ABLIM3: variants seen among roughly 807,000 people sequenced by gnomAD.
ABLIM3 encodes actin-binding LIM protein 3.
A neutral mutation model predicts 109.5 loss-of-function variants in ABLIM3; 61 were observed. That is an observed-to-expected ratio of 0.56 (90% confidence interval 0.45 to 0.69). ABLIM3 has a LOEUF of 0.69. Among genes scored for constraint, ABLIM3 ranks in the 30% least tolerant of loss-of-function variants. The pLI is 0.00. For missense variants in ABLIM3, 796 were observed against 889.5 expected, an observed-to-expected ratio of 0.89 and a Z score of 1.34; for synonymous variants, 300 against 324.8, an observed-to-expected ratio of 0.92 and a Z score of 0.82.
In ABLIM3 at chr5:149,258,685, A is replaced by C; in HGVS notation, c.*281A>C. 1 of 1,076,184 alleles carries C rather than the reference A, an allele frequency of 9.3e-7. No homozygotes were observed. The highest frequency in any genetic ancestry group is 1.1e-6 in the Non-Finnish European group (1 of 889,468). 66.7% of individuals were successfully genotyped at this position (1,076,184 alleles called of 1,614,324 possible). A position where few individuals can be genotyped will look rare whatever the true frequency, so the allele number is the denominator to read the frequency against. ...CATCTGTCCTAACTTGAGTGCCCCA[A>C]GGTCCAACTCTCTTTCCTAAAGAAG... is the stretch of plus-strand genomic sequence containing the variant. On this transcript the variant is annotated 3_prime_UTR_variant, in exon 24 of 24. Coordinates refer to ENST00000309868, the MANE Select transcript of ABLIM3 (RefSeq NM_014945.5).
At chr5:149,213,678 T>A (rs1043276583) in intron 7 of ABLIM3, among the ~76,000 whole-genome samples, 1 of 152,212 alleles carries the variant, frequency 6.6e-6, no homozygotes, top group African/African-American at 2.4e-5. Context: ...GAAATCCTGT[T>A]GGTGGCAGCT....
At chr5:149,230,268 A>G (rs539303775) in intron 8 of ABLIM3, among the ~76,000 whole-genome samples, 1 of 152,336 alleles carries the variant, frequency 6.6e-6, no homozygotes, top group Admixed American at 6.5e-5. Flanking sequence ...CCCGCCCAGA[A>G]GAAGCTCTTG....
chr5:149,174,021 CAAAAAAAAAAAA>C (rs57000637), intron 2 of ABLIM3, among the ~76,000 whole-genome samples: 7 of 40,218 alleles, frequency 1.7e-4, no homozygotes, highest in Admixed American at 2.4e-4. Flanking sequence ...GACTCCGTCT[CAAAAAAAAAAAA>C]AAAAAAAAAA....
At chr5:149,157,749 TGAA>T (rs1561537879) in intron 2 of ABLIM3, among the ~76,000 whole-genome samples, 2 of 151,882 alleles carry the variant, frequency 1.3e-5, no homozygotes, top group Admixed American at 6.6e-5. Context: ...TTGTCAAACA[TGAA>T]GAAGCCATCT....
intron 14 of ABLIM3, among the ~76,000 whole-genome samples, chr5:149,241,097 A>C (rs894215203): frequency 6.6e-5 from 10 of 152,158 alleles, no homozygotes; most frequent in Non-Finnish European, 1.5e-4. Context: ...AAGGCTACAC[A>C]CTTTGGCTTC....
At chr5:149,246,680 G>GA (rs1753393357) in intron 17 of ABLIM3, 134 bp downstream of exon 17, 3 of 947,248 alleles carry the variant, frequency 3.2e-6, no homozygotes, top group South Asian at 4.3e-5. Flanking sequence ...TTGCATAACT[G>GA]AAAAATCAAA....
chr5:149,176,429 C>A (rs1755935857), intron 2 of ABLIM3, among the ~76,000 whole-genome samples: 1 of 152,152 alleles, frequency 6.6e-6, no homozygotes, highest in South Asian at 2.1e-4. Context: ...ACTTCCTCCC[C>A]AGAGGTAGCC....
intron 2 of ABLIM3, among the ~76,000 whole-genome samples, chr5:149,143,410 T>C (rs1752661297): frequency 6.6e-6 from 1 of 151,778 alleles, no homozygotes; most frequent in South Asian, 2.1e-4. Flanking sequence ...AATCTAAGAA[T>C]CTACACTTTT....
chr5:149,204,624 T>C (rs552677998), intron 5 of ABLIM3, among the ~76,000 whole-genome samples: 1 of 152,224 alleles, frequency 6.6e-6, no homozygotes, highest in Non-Finnish European at 1.5e-5. Context: ...AACAGGAGAA[T>C]GTAAAATAAT....
intron 3 of ABLIM3, among the ~76,000 whole-genome samples, chr5:149,195,885 G>A (rs958191610): frequency 6.6e-6 from 1 of 152,188 alleles, no homozygotes; most frequent in Non-Finnish European, 1.5e-5. Context: ...GTGGGGTCGG[G>A]GGCCACAAGC....
At chr5:149,150,447 GA>G (rs920278238) in intron 2 of ABLIM3, among the ~76,000 whole-genome samples, 1 of 152,212 alleles carries the variant, frequency 6.6e-6, no homozygotes, top group African/African-American at 2.4e-5. Context: ...ATGATTACCT[GA>G]GGCTAAGAAG....
At chr5:149,248,092 C>G (rs926017939) in intron 18 of ABLIM3, among the ~76,000 whole-genome samples, 163 bp downstream of exon 18, 5 of 152,230 alleles carry the variant, frequency 3.3e-5, no homozygotes, top group Admixed American at 2.6e-4. Flanking sequence ...TGCCCAAGAT[C>G]ACTCAATTTA....
intron 2 of ABLIM3, among the ~76,000 whole-genome samples, chr5:149,162,392 C>T (rs1754453285): frequency 6.6e-6 from 1 of 152,092 alleles, no homozygotes; most frequent in Admixed American, 6.5e-5. Context: ...ATATTTCATC[C>T]CACTGTTAGG....
At chr5:149,194,086 C>G (rs4235743) in intron 3 of ABLIM3, among the ~76,000 whole-genome samples, 1 of 151,806 alleles carries the variant, frequency 6.6e-6, no homozygotes, top group Non-Finnish European at 1.5e-5. Flanking sequence ...AATTCAACAA[C>G]GTAAAAACTG....
chr5:149,226,076 A>C (rs1174311839), intron 8 of ABLIM3, among the ~76,000 whole-genome samples: 2 of 142,088 alleles, frequency 1.4e-5, no homozygotes, highest in Non-Finnish European at 3.0e-5. Flanking sequence ...GGGTTGGTTT[A>C]TGTGCATGGA....
At chr5:149,188,043 C>A (rs1296505070) in intron 3 of ABLIM3, among the ~76,000 whole-genome samples, 1 of 152,148 alleles carries the variant, frequency 6.6e-6, no homozygotes, top group Non-Finnish European at 1.5e-5. Context: ...ATTTTATATT[C>A]TAGTGCTATT....
chr5:149,183,733 T>A (rs1406349941), intron 3 of ABLIM3, 144 bp downstream of exon 3: 22 of 984,688 alleles, frequency 2.2e-5, no homozygotes, highest in Non-Finnish European at 2.9e-5. Context: ...AGCCTCTTCT[T>A]ATGAGATTCT....
At chr5:149,144,513 T>G (rs1170918186) in intron 2 of ABLIM3, among the ~76,000 whole-genome samples, 1 of 152,228 alleles carries the variant, frequency 6.6e-6, no homozygotes, top group Non-Finnish European at 1.5e-5. Flanking sequence ...ATGCCTGATA[T>G]TGTCCCTAAT....
At position 149,259,927 on chromosome 5, in the gene ABLIM3, G is replaced by C. The variant is rs1436345888; in HGVS notation, c.*1523G>C. On this transcript the variant is annotated 3_prime_UTR_variant, in exon 24 of 24. Transcript: ENST00000309868. ...CTGCTGAATACTGAGCACTGAATGG[G>C]GGAGGGGGAGGGGAGCACGGGGTGA... The C allele has an allele frequency of 3.7e-6, 1 of 272,748 alleles. No individual in the cohort carries two copies. Among genetic ancestry groups the C allele is most frequent in the South Asian group, 6.7e-5 (1 of 14,816 alleles). The allele number at this position is 272,748 out of a possible 1,614,324, so 16.9% of individuals were successfully genotyped here. A position where few individuals can be genotyped will look rare whatever the true frequency, so the allele number is the denominator to read the frequency against.
Sources: gnomAD v4.1 joint callset for allele counts (sites outside exome capture counted in the v4.1 genomes callset) on GRCh38, gnomAD v4.1.1 for gene constraint, MANE v1.5 for transcripts, NCBI Gene and HGNC (gene_info 2026-07-23, HGNC 2026-07-21) for gene names.